The following TENM1 variants were observed in gnomAD, a reference collection of about 807,000 sequenced individuals.
TENM1 encodes the protein teneurin transmembrane protein 1, also known as teneurin-1.
A neutral mutation model predicts 174.8 loss-of-function variants in TENM1; 35 were observed. That is an observed-to-expected ratio of 0.20 (90% CI 0.15 to 0.27). The LOEUF is 0.27. TENM1 is among the 10% of genes least tolerant of loss of function. The pLI is 1.00. For missense variants in TENM1, 1,633 were observed against 2,130.1 expected, an observed-to-expected ratio of 0.77 and a Z score of 4.59; for synonymous variants, 781 against 798.7, an observed-to-expected ratio of 0.98 and a Z score of 0.37.
At chrX:125,160,012 C>T in the TENM1 span, among the ~76,000 whole-genome samples, 1 of 109,353 alleles carries the variant, frequency 9.1e-6, no homozygotes. Context: ...CTAGCCTGGT[C>T]AATATTGTGA....
At chrX:124,589,352 TTTG>T (rs200125468) in intron 11 of TENM1, among the ~76,000 whole-genome samples, 13,284 of 104,598 alleles carry the variant, frequency 0.13, 993 homozygotes, top group East Asian at 0.47. Context: ...TGGCCTGTAG[TTTG>T]TTGTTGTTGT....
At chrX:124,417,241 C>T (rs1015777802) in intron 25 of TENM1, among the ~76,000 whole-genome samples, 1 of 110,163 alleles carries the variant, frequency 9.1e-6, no homozygotes, top group African/African-American at 3.3e-5. Flanking sequence ...CAGAGTTTCG[C>T]TCTTGTTGCC....
At chrX:124,983,091 A>C in the TENM1 span, among the ~76,000 whole-genome samples, 2 of 112,253 alleles carry the variant, frequency 1.8e-5, no homozygotes, top group Non-Finnish European at 3.8e-5. Context: ...CAAAGTATTA[A>C]CAATGGTCAG....
At chrX:124,427,094 C>T (rs966554214) in intron 23 of TENM1, among the ~76,000 whole-genome samples, 4 of 111,754 alleles carry the variant, frequency 3.6e-5, no homozygotes, top group South Asian at 7.5e-4. Flanking sequence ...AATTCATTTC[C>T]GTACAACACT....
intron 23 of TENM1, among the ~76,000 whole-genome samples, chrX:124,430,725 TTATC>T (rs1239304926): frequency 3.0e-4 from 34 of 112,120 alleles, no homozygotes; most frequent in Non-Finnish European, 1.5e-4. Flanking sequence ...TCCTCCTTGT[TTATC>T]TATGCCATTC....
chrX:125,164,876 G>C, the TENM1 span, among the ~76,000 whole-genome samples: 1 of 111,476 alleles, frequency 9.0e-6, no homozygotes, highest in Non-Finnish European at 1.9e-5. Flanking sequence ...TCCTGAGTAC[G>C]GTAAGTTTCT....
At chrX:124,938,935 AT>A (rs1199093502) in intron 1 of TENM1, among the ~76,000 whole-genome samples, 1 of 111,586 alleles carries the variant, frequency 9.0e-6, no homozygotes, top group Non-Finnish European at 1.9e-5. Context: ...TAGATATGTC[AT>A]TGATTTTCTT....
chrX:125,074,252 TTTTC>T, the TENM1 span, among the ~76,000 whole-genome samples: 4 of 108,966 alleles, frequency 3.7e-5, no homozygotes, highest in African/African-American at 6.8e-5. Context: ...TCACTTTTAT[TTTTC>T]TTTCTTTTTT....
chrX:124,836,743 T>C (rs1319104090), intron 3 of TENM1, among the ~76,000 whole-genome samples: 1 of 112,516 alleles, frequency 8.9e-6, no homozygotes, highest in Non-Finnish European at 1.9e-5. Flanking sequence ...CATTCTTAGA[T>C]GATGAAATTG....
At chrX:125,123,731 T>C in the TENM1 span, among the ~76,000 whole-genome samples, 2 of 112,726 alleles carry the variant, frequency 1.8e-5, no homozygotes, top group African/African-American at 3.2e-5. Flanking sequence ...ACAACATTAA[T>C]AAACACAATG....
chrX:124,511,946 G>C (rs1322393066), intron 18 of TENM1, among the ~76,000 whole-genome samples: 1 of 111,527 alleles, frequency 9.0e-6, no homozygotes, highest in Non-Finnish European at 1.9e-5. Flanking sequence ...ACCATTCTTC[G>C]TTGCCAAACT....
the TENM1 span, among the ~76,000 whole-genome samples, chrX:125,160,180 G>T: frequency 9.9e-6 from 1 of 100,800 alleles, no homozygotes. Flanking sequence ...TAACTTGGGG[G>T]ACAGGGTGAG....
chrX:124,867,543 G>A (rs368570072), intron 3 of TENM1, among the ~76,000 whole-genome samples: 2 of 111,891 alleles, frequency 1.8e-5, no homozygotes, highest in South Asian at 3.7e-4. Flanking sequence ...TACTAAATGC[G>A]GAAAAACTCA....
At chrX:124,464,023 G>A (rs1003745266) in intron 22 of TENM1, among the ~76,000 whole-genome samples, 1 of 110,703 alleles carries the variant, frequency 9.0e-6, no homozygotes, top group African/African-American at 3.3e-5. Context: ...TATGGGCTAA[G>A]ATAAATGAGG....
chrX:124,952,430 CAAT>C (rs1439915493), intron 1 of TENM1, among the ~76,000 whole-genome samples: 2 of 108,852 alleles, frequency 1.8e-5, no homozygotes, highest in Non-Finnish European at 3.8e-5. Context: ...ATAAAACATA[CAAT>C]AAAATTCTGC....
the TENM1 span, among the ~76,000 whole-genome samples, chrX:125,075,983 G>A: frequency 2.7e-5 from 3 of 111,650 alleles, no homozygotes; most frequent in African/African-American, 6.5e-5. Context: ...CTACTGAAGA[G>A]TAAGGAGTGC....
chrX:125,051,118 C>T, the TENM1 span, among the ~76,000 whole-genome samples: 3 of 111,253 alleles, frequency 2.7e-5, no homozygotes, highest in East Asian at 8.6e-4. Context: ...AATAAAATAC[C>T]TAGGAATCCA....
At chrX:124,584,834 G>C (rs932591585) in intron 11 of TENM1, among the ~76,000 whole-genome samples, 1 of 110,852 alleles carries the variant, frequency 9.0e-6, no homozygotes, top group Non-Finnish European at 1.9e-5. Flanking sequence ...TAAAAGGATG[G>C]AAGAAGATCT....
intron 23 of TENM1, among the ~76,000 whole-genome samples, chrX:124,443,118 A>G (rs963429721): frequency 9.9e-6 from 1 of 100,766 alleles, no homozygotes; most frequent in Admixed American, 1.1e-4. Flanking sequence ...ATTTAAAACA[A>G]CAGAAAATGC....
Sources: allele counts gnomAD v4.1 joint callset (sites outside exome capture counted in the v4.1 genomes callset), GRCh38; gene constraint gnomAD v4.1.1; transcripts MANE v1.5; gene names NCBI Gene and HGNC (gene_info 2026-07-23, HGNC 2026-07-21).